FCRL2: variants seen among roughly 807,000 people sequenced by gnomAD.
The protein encoded by FCRL2 is Fc receptor like 2.
FCRL2 carries 48 observed loss-of-function variants against 59.8 expected under a neutral mutation model. The ratio of observed to expected loss-of-function variants is 0.80; its 90% CI spans 0.64 to 1.02. The LOEUF (loss-of-function observed/expected upper bound fraction) is 1.02. FCRL2 is among the 50% of genes least tolerant of loss of function. The pLI is 0.00. For synonymous variants in FCRL2, 251 were observed against 229.5 expected (o/e 1.09, Z -0.85); for missense variants, 658 against 597.3 (o/e 1.10, Z -1.06).
chr1:157,748,552 C>A lies in FCRL2; in HGVS notation c.1459+1G>T. 6.2e-7 allele frequency: 1 copy of A among 1,613,500 alleles called. No individual in the cohort carries two copies. Among genetic ancestry groups the A allele is most frequent in the Non-Finnish European group, 8.5e-7 (1 of 1,179,530 alleles). ...ACAAGAACTACTTTGCAGTTTCTCA[C>A]CTGAGCTTTCTGGCTGCTGCATGCT... On this transcript the variant is annotated splice_donor_variant, in intron 10 of 11. Coordinates refer to ENST00000361516, the MANE Select transcript of FCRL2 (RefSeq NM_030764.4). LOFTEE classifies it high-confidence loss of function.
At chr1:157,773,112 C>T (rs1650152035) in intron 2 of FCRL2, among the ~76,000 whole-genome samples, 1 of 152,166 alleles carries the variant, frequency 6.6e-6, no homozygotes, top group South Asian at 2.1e-4. Flanking sequence ...TACTACTTCC[C>T]CTCAGCTATG....
chr1:157,776,517 C>T (rs1288210711), intron 1 of FCRL2, among the ~76,000 whole-genome samples: 1 of 152,064 alleles, frequency 6.6e-6, no homozygotes, highest in Non-Finnish European at 1.5e-5. Flanking sequence ...GATCCACCAG[C>T]CTTGGACTCC....
intron 7 of FCRL2, among the ~76,000 whole-genome samples, chr1:157,765,994 C>G (rs1385819562): frequency 6.6e-6 from 1 of 152,146 alleles, no homozygotes; most frequent in Admixed American, 6.5e-5. Flanking sequence ...CGTATATGTG[C>G]TCTAGTTGAC....
chr1:157,767,441 C>A lies in FCRL2; in HGVS notation c.952G>T (p.Glu318Ter), dbSNP rs200368977. ...CCTCTCAGGGCCTCACAGTGAAGCT[C>A]CAGCAGGTCCCCCACTGCAGCCTGG... ...GAQAAVGDLLELHCEALRGSP... is the reference protein window; with the variant it reads ...GAQAAVGDLL Residue 318 changes from glutamate to a stop codon, truncating the protein, a stop_gained, in exon 6 of 12, where the codon GAG becomes TAG. Coordinates refer to ENST00000361516, the MANE Select transcript of FCRL2 (RefSeq NM_030764.4). LOFTEE classifies it high-confidence loss of function. 2.0e-4 allele frequency: 330 copies of A among 1,614,184 alleles called. 3 individuals carry two copies. In the Admixed American group the frequency reaches 5.2e-3, roughly 26 times the overall value.
chr1:157,767,757 G>A lies in FCRL2; in HGVS notation c.884-248C>T, dbSNP rs894003011. On this transcript the variant is annotated intron_variant, in intron 5 of 11. Coordinates refer to ENST00000361516, the MANE Select transcript of FCRL2 (RefSeq NM_030764.4). ...TGTTCTCATCTGATTGTTTTCCTGT[G>A]CCCATCCAGCCCTCTTCATATTTCT... is the stretch of plus-strand genomic sequence containing the variant. The A allele has an allele frequency of 8.0e-6, 11 of 1,372,370 alleles. No homozygotes were observed. The East Asian group carries it at 2.4e-4, about 30-fold the overall frequency. The allele number at this position is 1,372,370 out of a possible 1,614,324, so 85.0% of individuals were successfully genotyped here.
At chr1:157,750,272 C>T (rs759312509) in intron 7 of FCRL2, among the ~76,000 whole-genome samples, 5 of 152,124 alleles carry the variant, frequency 3.3e-5, no homozygotes, top group Admixed American at 6.5e-5. Context: ...ATCCTCATAG[C>T]GATCCAGGAG....
rs369279577 is a variant in FCRL2 at position 157,767,498 on chromosome 1, G to T, written c.895C>A (p.Arg299Ser). ...VNIPVRIPVS[R>S]PVLTLRSPGA... ...GGAGACCTGAGGGTGAGGACAGGGC[G>T]AGACACTGGAACTGACAGACACAGA... The change falls in exon 6 of 12, where the codon CGC becomes AGC. Residue 299 changes from arginine (R) to serine (S), a missense_variant. Physicochemically the swap from Arg to Ser is moderately radical, Grantham distance 110. Coordinates refer to ENST00000361516, the MANE Select transcript of FCRL2 (RefSeq NM_030764.4). 2 of 1,614,236 alleles carry T rather than the reference G, an allele frequency of 1.2e-6. No individual in the cohort carries two copies. The highest frequency in any genetic ancestry group is 8.5e-7 in the Non-Finnish European group (1 of 1,180,042).
intron 7 of FCRL2, among the ~76,000 whole-genome samples, chr1:157,760,015 C>T (rs1648899598): frequency 6.6e-6 from 1 of 152,142 alleles, no homozygotes; most frequent in African/African-American, 2.4e-5. Context: ...TAGCACTATT[C>T]ACAATAGCAA....
intron 1 of FCRL2, among the ~76,000 whole-genome samples, chr1:157,776,609 T>G (rs1477516741): frequency 6.6e-6 from 1 of 152,156 alleles, no homozygotes; most frequent in Non-Finnish European, 1.5e-5. Flanking sequence ...TCTCCCTCAT[T>G]GTCCACGATT....
At chr1:157,767,611 T>C in intron 5 of FCRL2, 102 bp from the exon 6 acceptor site, 1 of 1,613,810 alleles carries the variant, frequency 6.2e-7, no homozygotes, top group Non-Finnish European at 8.5e-7. Flanking sequence ...CCCATGGCTG[T>C]TGCATATTTT....
chr1:157,771,112 G>GC (rs34781125), intron 2 of FCRL2, among the ~76,000 whole-genome samples: 1 of 152,130 alleles, frequency 6.6e-6, no homozygotes, highest in East Asian at 1.9e-4. Context: ...CCTCCCAAAG[G>GC]CCCCACCTAC....
In FCRL2 at chr1:157,760,703, G is replaced by T. The variant is rs1004161842; in HGVS notation, c.1279+6152C>A. The stretch of plus-strand genomic sequence containing the variant: ...GGAAAGAAAGAAAGAAAGAAGGAAA[G>T]AAAGAAAGAAAGAAAGAAAGAAAGA... On this transcript the variant is annotated intron_variant, in intron 7 of 11. Coordinates refer to ENST00000361516, the MANE Select transcript of FCRL2 (RefSeq NM_030764.4). Among the ~76,000 whole-genome samples the T allele has an allele frequency of 6.0e-3, 477 of 79,080 alleles. 8 individuals carry two copies. The highest frequency in any genetic ancestry group is 0.025 in the African/African-American group (448 of 18,020). The allele number at this position is 79,080 out of a possible 152,430, so 51.9% of individuals were successfully genotyped here. A position where few individuals can be genotyped will look rare whatever the true frequency, so the allele number is the denominator to read the frequency against.
chr1:157,764,171 T>G (rs375922283), intron 7 of FCRL2, among the ~76,000 whole-genome samples: 79 of 151,302 alleles, frequency 5.2e-4, no homozygotes, highest in African/African-American at 1.8e-3. Context: ...GCCACCGCAC[T>G]CCAGCCTGGC....
chr1:157,775,462 G>A (rs894201695), intron 2 of FCRL2, among the ~76,000 whole-genome samples: 3 of 152,206 alleles, frequency 2.0e-5, no homozygotes, highest in African/African-American at 7.2e-5. Flanking sequence ...AGGCATTACA[G>A]TCCTATGGGC....
At position 157,768,537 on chromosome 1, in the gene FCRL2, G is replaced by T. The variant is rs764532671; in HGVS notation, c.760C>A (p.Arg254Ser). The change falls in exon 5 of 12, where the codon CGT (arginine) becomes AGT (serine). Residue 254 changes from arginine (R) to serine (S), a missense_variant. Transcript: ENST00000361516. ...ATCTCCAGCTCTGCTGACAGGGAAC[G>T]CTGGGTTTTCTTTCCCATACTGGTT... ...TGTSMGKKTQ[R>S]SLSAELEIPA... is the part of the protein sequence containing the mutation. The T allele has an allele frequency of 3.1e-6, 5 of 1,614,194 alleles. No homozygotes were observed. The highest frequency in any genetic ancestry group is 4.2e-6 in the Non-Finnish European group (5 of 1,180,036).
intron 7 of FCRL2, 109 bp from the exon 8 acceptor site, chr1:157,749,786 A>G (rs906704791): frequency 2.8e-6 from 2 of 711,736 alleles, no homozygotes; most frequent in Non-Finnish European, 4.7e-6. Context: ...AAGATATAGA[A>G]GAGTAATCCA....
intron 7 of FCRL2, chr1:157,766,526 G>T (rs1198198547): frequency 6.1e-6 from 2 of 325,864 alleles, no homozygotes; most frequent in Non-Finnish European, 1.1e-5. Context: ...ACTACATTTT[G>T]CTCCGTTGTA....
Position 157,745,927 on chromosome 1 carries a change from T to G in FCRL2, c.*809A>C, listed in dbSNP as rs1647708267. ...AGCAAGTCACACAGATTTTTTGGTT[T>G]CCCAGTGCATATAAGTTATGTTTAC... On this transcript the variant is annotated 3_prime_UTR_variant, in exon 12 of 12. Coordinates refer to ENST00000361516, the MANE Select transcript of FCRL2 (RefSeq NM_030764.4). 6.6e-6 allele frequency: 1 copy of G among 152,138 alleles called. No homozygotes were observed. Among genetic ancestry groups the G allele is most frequent in the Non-Finnish European group, 1.5e-5 (1 of 68,028 alleles). 9.4% of individuals were successfully genotyped at this position (152,138 alleles called of 1,614,324 possible). A position where few individuals can be genotyped will look rare whatever the true frequency, so the allele number is the denominator to read the frequency against.
rs150151373 is a variant in FCRL2 at position 157,748,189 on chromosome 1, C to T, written c.1459+364G>A. Among the ~76,000 whole-genome samples, 826 of 152,102 alleles carry T rather than the reference C, an allele frequency of 5.4e-3. 11 individuals carry two copies. The highest frequency in any genetic ancestry group is 0.019 in the African/African-American group (800 of 41,496). On this transcript the variant is annotated intron_variant, in intron 10 of 11. Coordinates refer to ENST00000361516, the MANE Select transcript of FCRL2 (RefSeq NM_030764.4). ...ATCCCAGCACTTTGGGAGGCTGAGG[C>T]GGGTGGATCACTTGAGGTCAAGAGT...
Sources: allele counts gnomAD v4.1 joint callset (sites outside exome capture counted in the v4.1 genomes callset), GRCh38; gene constraint gnomAD v4.1.1; transcripts MANE v1.5; gene names NCBI Gene and HGNC (gene_info 2026-07-23, HGNC 2026-07-21).